FAXC: variants seen among roughly 807,000 people sequenced by gnomAD.
FAXC encodes failed axon connections homolog.
A neutral mutation model predicts 41.9 loss-of-function variants in FAXC; 10 were observed. The observed-to-expected ratio is 0.24, with a 90% CI of 0.15 to 0.41. The LOEUF (loss-of-function observed/expected upper bound fraction) is 0.41. FAXC is among the 10% of genes least tolerant of loss of function. FAXC has a pLI of 1.00. For missense variants in FAXC, 399 were observed against 510.9 expected (o/e 0.78, Z 2.11); for synonymous variants, 183 against 183.8 (o/e 1.00, Z 0.03).
At chr6:99,288,738 A>G (rs570098808) in intron 5 of FAXC, among the ~76,000 whole-genome samples, 27 of 152,256 alleles carry the variant, frequency 1.8e-4, no homozygotes, top group Admixed American at 4.6e-4. Flanking sequence ...ACCCATTCCA[A>G]TGAAGTCTGA....
At chr6:99,323,792 TA>T in intron 3 of FAXC, 125 bp from the exon 4 acceptor site, 1 of 695,782 alleles carries the variant, frequency 1.4e-6, no homozygotes. Context: ...GCAGCTTTAA[TA>T]AAGAGCAATC....
At chr6:99,304,884 A>C (rs1771853761) in intron 4 of FAXC, among the ~76,000 whole-genome samples, 1 of 152,206 alleles carries the variant, frequency 6.6e-6, no homozygotes, top group Non-Finnish European at 1.5e-5. Flanking sequence ...CAGAGAAGAG[A>C]AGCACCTCCA....
chr6:99,320,188 C>T (rs1397644525), intron 4 of FAXC, among the ~76,000 whole-genome samples: 1 of 152,092 alleles, frequency 6.6e-6, no homozygotes, highest in Non-Finnish European at 1.5e-5. Flanking sequence ...TCTTTGAGTC[C>T]TATTTTACTA....
chr6:99,305,945 T>C (rs1771903416), intron 4 of FAXC, among the ~76,000 whole-genome samples: 1 of 151,924 alleles, frequency 6.6e-6, no homozygotes, highest in Non-Finnish European at 1.5e-5. Context: ...TTACATCACA[T>C]GAAGAGACAA....
intron 1 of FAXC, among the ~76,000 whole-genome samples, chr6:99,344,162 A>C (rs1313527745): frequency 6.6e-6 from 1 of 152,176 alleles, no homozygotes; most frequent in Non-Finnish European, 1.5e-5. Context: ...GGATTACATA[A>C]GGTAATACTG....
chr6:99,303,420 C>T (rs180979032), intron 4 of FAXC, among the ~76,000 whole-genome samples: 105 of 152,310 alleles, frequency 6.9e-4, no homozygotes, highest in Non-Finnish European at 1.3e-3. Context: ...TCTTTCAATA[C>T]TTGATGACAT....
rs75333339 is a variant in FAXC at position 99,289,968 on chromosome 6, C to A, written c.940+1736G>T. ...GTACTGCACCACACATATGGACAGCCCAGGAAGAGATCAAAATTCAAAGTA... is the reference window on the plus strand; with the variant it reads ...GTACTGCACCACACATATGGACAGCACAGGAAGAGATCAAAATTCAAAGTA... On this transcript the variant is annotated intron_variant, in intron 5 of 5. Transcript: ENST00000389677. Among the ~76,000 whole-genome samples, 15 of 152,018 alleles carry A rather than the reference C, an allele frequency of 9.9e-5. No homozygotes were observed. In the East Asian group the frequency reaches 1.2e-3, roughly 12 times the overall value.
At chr6:99,299,187 C>A (rs1489644108) in intron 4 of FAXC, among the ~76,000 whole-genome samples, 2 of 152,162 alleles carry the variant, frequency 1.3e-5, no homozygotes. Context: ...AGATGGTGGA[C>A]AGAAAGTTTA....
chr6:99,297,361 TTG>T (rs1410554489), intron 4 of FAXC, among the ~76,000 whole-genome samples: 1 of 152,070 alleles, frequency 6.6e-6, no homozygotes, highest in Non-Finnish European at 1.5e-5. Context: ...AGACACACAG[TTG>T]TCCAGGGAGA....
intron 2 of FAXC, among the ~76,000 whole-genome samples, chr6:99,341,352 A>T (rs1773420945): frequency 6.6e-6 from 1 of 152,128 alleles, no homozygotes; most frequent in South Asian, 2.1e-4. Context: ...CTCCAATTAG[A>T]TATAAGAGAG....
intron 2 of FAXC, chr6:99,334,644 T>C (rs1446775002): frequency 1.8e-5 from 17 of 967,412 alleles, no homozygotes; most frequent in Non-Finnish European, 2.0e-5. Context: ...CTTGATGCCA[T>C]CCATATCCTC....
chr6:99,327,206 G>T (rs996444391), intron 3 of FAXC, among the ~76,000 whole-genome samples: 4 of 152,156 alleles, frequency 2.6e-5, no homozygotes, highest in African/African-American at 9.7e-5. Context: ...AGGTCTTTAA[G>T]GGTTGAGGCC....
At chr6:99,325,210 A>G (rs1297151573) in intron 3 of FAXC, among the ~76,000 whole-genome samples, 4 of 152,138 alleles carry the variant, frequency 2.6e-5, no homozygotes, top group Admixed American at 1.3e-4. Context: ...TCAAGGGGGA[A>G]AAAAAGGCAT....
At chr6:99,319,609 C>A (rs2128458968) in intron 4 of FAXC, among the ~76,000 whole-genome samples, 1 of 152,216 alleles carries the variant, frequency 6.6e-6, no homozygotes, top group East Asian at 1.9e-4. Flanking sequence ...GAAATTCAGG[C>A]CCAGAGAAGT....
At chr6:99,333,274 TG>T in intron 3 of FAXC, 76 bp downstream of exon 3, 1 of 1,254,200 alleles carries the variant, frequency 8.0e-7, no homozygotes, top group Non-Finnish European at 1.1e-6. Context: ...GCTGAAACGG[TG>T]GAAAGAGGAT....
intron 2 of FAXC, among the ~76,000 whole-genome samples, chr6:99,339,526 G>C (rs749577729): frequency 2.6e-5 from 4 of 152,136 alleles, no homozygotes; most frequent in Non-Finnish European, 4.4e-5. Context: ...TGAATTATAC[G>C]ACATGAAGCA....
chr6:99,306,583 A>T (rs975567192), intron 4 of FAXC, among the ~76,000 whole-genome samples: 2 of 152,180 alleles, frequency 1.3e-5, no homozygotes, highest in African/African-American at 4.8e-5. Context: ...ATGTGAGATG[A>T]ACAGGGTGGG....
intron 3 of FAXC, among the ~76,000 whole-genome samples, chr6:99,325,014 G>GT (rs1348602262): frequency 1.3e-5 from 2 of 151,960 alleles, no homozygotes; most frequent in Non-Finnish European, 1.5e-5. Context: ...TGGGACCACT[G>GT]TATCAATCAA....
chr6:99,336,568 C>T (rs1773224719), intron 2 of FAXC, among the ~76,000 whole-genome samples: 1 of 152,198 alleles, frequency 6.6e-6, no homozygotes, highest in Non-Finnish European at 1.5e-5. Flanking sequence ...ATGTTTCCTT[C>T]TGCAAGTCTG....
Sources: gnomAD v4.1 joint callset for allele counts (sites outside exome capture counted in the v4.1 genomes callset) on GRCh38, gnomAD v4.1.1 for gene constraint, MANE v1.5 for transcripts, NCBI Gene and HGNC (gene_info 2026-07-23, HGNC 2026-07-21) for gene names.